Variants in DSCAM observed in about 807,000 individuals in gnomAD.
DSCAM encodes the protein cell adhesion molecule DSCAM.
In DSCAM, 47 loss-of-function variants were observed where a neutral mutation model predicts 217.7. The ratio of observed to expected loss-of-function variants is 0.22; its 90% CI spans 0.17 to 0.28. The LOEUF (loss-of-function observed/expected upper bound fraction) is 0.28. DSCAM is among the 10% of genes least tolerant of loss of function. DSCAM has a pLI of 1.00. For synonymous variants in DSCAM, 1,056 were observed against 1,015.3 expected, an observed-to-expected ratio of 1.04 and a Z score of -0.76; for missense variants, 2,080 against 2,618.3, an observed-to-expected ratio of 0.79 and a Z score of 4.49.
At chr21:40,323,320 T>A (rs1220216695) in intron 8 of DSCAM, among the ~76,000 whole-genome samples, 1 of 152,066 alleles carries the variant, frequency 6.6e-6, no homozygotes, top group African/African-American at 2.4e-5. Flanking sequence ...ACAGCAAAAA[T>A]GCATGCACCA....
chr21:40,335,271 G>A (rs1053576265), intron 8 of DSCAM, among the ~76,000 whole-genome samples: 1 of 151,966 alleles, frequency 6.6e-6, no homozygotes, highest in South Asian at 2.1e-4. Flanking sequence ...TCCTTCTTTT[G>A]TTTGCAAGTA....
intron 1 of DSCAM, among the ~76,000 whole-genome samples, chr21:40,821,382 GACACACGCGCGCACACACACAC>G (rs1569053650): frequency 7.0e-6 from 1 of 143,086 alleles, no homozygotes; most frequent in Non-Finnish European, 1.6e-5. Flanking sequence ...CACACACACA[GACACACGCGCGCACACACACAC>G]ACACACACAC....
At chr21:40,128,886 G>A (rs142220544) in intron 19 of DSCAM, among the ~76,000 whole-genome samples, 106 of 152,236 alleles carry the variant, frequency 7.0e-4, no homozygotes, top group African/African-American at 2.4e-3. Flanking sequence ...GTTTTAACGT[G>A]TTAAGGTTGT....
chr21:40,257,498 A>AC (rs57376473), intron 11 of DSCAM, among the ~76,000 whole-genome samples: 3 of 150,228 alleles, frequency 2.0e-5, no homozygotes, highest in Non-Finnish European at 2.9e-5. Flanking sequence ...ACACACACAC[A>AC]ATGGCAAACG....
At chr21:40,407,820 A>C (rs1335437663) in intron 3 of DSCAM, among the ~76,000 whole-genome samples, 1 of 152,164 alleles carries the variant, frequency 6.6e-6, no homozygotes, top group Non-Finnish European at 1.5e-5. Context: ...TGTCCCAAAA[A>C]CTTATTAATA....
At chr21:40,091,778 G>A (rs1310063039) in intron 21 of DSCAM, among the ~76,000 whole-genome samples, 2 of 152,142 alleles carry the variant, frequency 1.3e-5, no homozygotes, top group Non-Finnish European at 2.9e-5. Flanking sequence ...ATGGCGGCAG[G>A]CAAGAGAGCA....
rs371626342 is a variant in DSCAM, at chr21:40,490,622, G to A, written c.509-121377C>T. On this transcript the variant is annotated intron_variant, in intron 3 of 32. Coordinates refer to ENST00000400454, the MANE Select transcript of DSCAM (RefSeq NM_001389.5). ...CTGGCTGGAGTACCCCCACCCTGAC[G>A]TCACAAAGAGGTTGTCTAGAGCCAT... is the stretch of plus-strand genomic sequence containing the variant. 6.5e-4 allele frequency among the ~76,000 whole-genome samples: 99 copies of A among 152,270 alleles called. 2 individuals are homozygous for A. The South Asian group carries it at 0.016, about 24-fold the overall frequency.
At position 40,789,423 on chromosome 21, in the gene DSCAM, G is replaced by A. The variant is rs536872108; in HGVS notation, c.43+57196C>T. Among the ~76,000 whole-genome samples the A allele has an allele frequency of 5.2e-4, 79 of 152,246 alleles. 1 individual carries two copies. Among genetic ancestry groups the A allele is most frequent in the South Asian group, 1.4e-3 (7 of 4,832 alleles). Reference sequence around the variant, plus strand: ...CTAAGCATGCTGGATATGACAATGAGACATTTCTGTAGCTGAGCAGCTTTG... The same window carrying A: ...CTAAGCATGCTGGATATGACAATGAAACATTTCTGTAGCTGAGCAGCTTTG... On this transcript the variant is annotated intron_variant, in intron 1 of 32. Coordinates refer to ENST00000400454, the MANE Select transcript of DSCAM (RefSeq NM_001389.5).
intron 11 of DSCAM, among the ~76,000 whole-genome samples, chr21:40,265,701 T>G (rs1050047574): frequency 1.1e-4 from 17 of 152,120 alleles, no homozygotes; most frequent in Non-Finnish European, 2.2e-4. Flanking sequence ...TACTTACAAC[T>G]GACTGATCTT....
At position 40,620,067 on chromosome 21, in the gene DSCAM, GAGAGAAAGAGAAAAAAGAA is replaced by G. The variant is rs1274398811; in HGVS notation, c.508+72724_508+72742del. Among the ~76,000 whole-genome samples the G allele has an allele frequency of 2.9e-3, 190 of 65,886 alleles. 28 individuals carry two copies. Among genetic ancestry groups the G allele is most frequent in the Middle Eastern group, 0.018 (2 of 112 alleles). The allele number at this position is 65,886 out of a possible 152,430, so 43.2% of individuals were successfully genotyped here. A position where few individuals can be genotyped will look rare whatever the true frequency, so the allele number is the denominator to read the frequency against. ...GAGAGAAAAAAGAAAAAGAAAGAAAGAGAGAAAGAGAAAAAAGAAAGAGAGAGAAAGAGAGAGAAAAAAG... is the reference window on the plus strand; with the variant it reads ...GAGAGAAAAAAGAAAAAGAAAGAAAGAGAGAGAGAAAGAGAGAGAAAAAAG... On this transcript the variant is annotated intron_variant, in intron 3 of 32. Transcript: ENST00000400454.
At chr21:40,032,612 C>G (rs1246844846) in intron 32 of DSCAM, among the ~76,000 whole-genome samples, 1 of 152,160 alleles carries the variant, frequency 6.6e-6, no homozygotes, top group African/African-American at 2.4e-5. Flanking sequence ...CATTACCATG[C>G]TGCAACATTA....
At chr21:40,575,251 G>A (rs534216911) in intron 3 of DSCAM, among the ~76,000 whole-genome samples, 3 of 147,164 alleles carry the variant, frequency 2.0e-5, no homozygotes, top group Non-Finnish European at 4.5e-5. Context: ...CCCTTTGACT[G>A]TAATTTTCCT....
intron 3 of DSCAM, among the ~76,000 whole-genome samples, chr21:40,473,099 G>A (rs2075903128): frequency 6.6e-6 from 1 of 152,208 alleles, no homozygotes; most frequent in African/African-American, 2.4e-5. Flanking sequence ...CAACCAGGCA[G>A]AGACCTTCCT....
At chr21:40,330,951 C>T (rs913470554) in intron 8 of DSCAM, among the ~76,000 whole-genome samples, 3 of 152,084 alleles carry the variant, frequency 2.0e-5, no homozygotes, top group African/African-American at 7.3e-5. Flanking sequence ...CTGCAATTCC[C>T]AAGTCGTTGT....
intron 3 of DSCAM, among the ~76,000 whole-genome samples, chr21:40,423,128 CAG>C (rs1363989113): frequency 6.6e-6 from 1 of 152,144 alleles, no homozygotes; most frequent in African/African-American, 2.4e-5. Context: ...CATAAAAGTC[CAG>C]AGGGCATAGA....
chr21:40,823,152 C>A (rs1408293228), intron 1 of DSCAM, among the ~76,000 whole-genome samples: 1 of 144,496 alleles, frequency 6.9e-6, no homozygotes. Flanking sequence ...ACCAGCCCCC[C>A]AGCACCGCCC....
chr21:40,156,800 A>G (rs1455365295), intron 16 of DSCAM, among the ~76,000 whole-genome samples: 1 of 152,172 alleles, frequency 6.6e-6, no homozygotes, highest in Non-Finnish European at 1.5e-5. Flanking sequence ...AGCAAAGGTC[A>G]CTTCTGTTAT....
chr21:40,446,168 G>A (rs11700733), intron 3 of DSCAM, among the ~76,000 whole-genome samples: 1,676 of 152,220 alleles, frequency 0.011, 18 homozygotes, highest in African/African-American at 0.018. Flanking sequence ...TAGTAATTTA[G>A]GTTTATTAAA....
chr21:40,103,274 G>A (rs1423185364), intron 20 of DSCAM, among the ~76,000 whole-genome samples: 2 of 148,066 alleles, frequency 1.4e-5, no homozygotes, highest in Non-Finnish European at 3.0e-5. Context: ...TTGTTAACAT[G>A]CAATTAAAAA....
Sources: gnomAD v4.1 joint callset for allele counts (sites outside exome capture counted in the v4.1 genomes callset) on GRCh38, gnomAD v4.1.1 for gene constraint, MANE v1.5 for transcripts, NCBI Gene and HGNC (gene_info 2026-07-23, HGNC 2026-07-21) for gene names.